The following RBM33 variants were observed in gnomAD, a reference collection of about 807,000 sequenced individuals.
RBM33 encodes RNA binding motif protein 33, also known as RNA-binding protein 33.
RBM33 carries 28 observed loss-of-function variants against 132.6 expected under a neutral mutation model. That is an observed-to-expected ratio of 0.21 (90% CI 0.16 to 0.29). The LOEUF is 0.29. Among genes scored for constraint, RBM33 ranks in the 10% least tolerant of loss-of-function variants. RBM33 has a pLI of 1.00. For synonymous variants in RBM33, 634 were observed against 593.0 expected, an observed-to-expected ratio of 1.07 and a Z score of -1.01; for missense variants, 1,291 against 1,518.5, an observed-to-expected ratio of 0.85 and a Z score of 2.49.
chr7:155,673,717 TATATACACACACATATATACATACACAC>T (rs1799053082), intron 3 of RBM33, among the ~76,000 whole-genome samples: 1 of 145,460 alleles, frequency 6.9e-6, no homozygotes, highest in African/African-American at 2.6e-5. Context: ...CACGTGTATA[TATATACACACACATATATACATACACAC>T]GTGTATATAC....
At chr7:155,710,876 C>T (rs938443785) in intron 7 of RBM33, among the ~76,000 whole-genome samples, 3 of 150,636 alleles carry the variant, frequency 2.0e-5, no homozygotes, top group Non-Finnish European at 4.4e-5. Context: ...CAGGGCTTTG[C>T]TCAGTGTGGG....
At chr7:155,740,242 C>G (rs1801286018) in intron 12 of RBM33, among the ~76,000 whole-genome samples, 1 of 152,174 alleles carries the variant, frequency 6.6e-6, no homozygotes. Context: ...CCTTTTGTGT[C>G]TCAAAGACTG....
chr7:155,733,412 TGTG>T (rs1563165830), intron 9 of RBM33, among the ~76,000 whole-genome samples: 1 of 152,246 alleles, frequency 6.6e-6, no homozygotes, highest in Non-Finnish European at 1.5e-5. Context: ...AAATCCCTGA[TGTG>T]GTTGAGTGAA....
chr7:155,761,289 C>G (rs1348080997), intron 14 of RBM33, among the ~76,000 whole-genome samples: 2 of 152,110 alleles, frequency 1.3e-5, no homozygotes, highest in Non-Finnish European at 2.9e-5. Context: ...CTTTTGATGC[C>G]TTTGGCCTTG....
chr7:155,667,953 T>C (rs192774056), intron 2 of RBM33, among the ~76,000 whole-genome samples: 142 of 152,280 alleles, frequency 9.3e-4, no homozygotes, highest in Middle Eastern at 3.4e-3. Flanking sequence ...CTCTTATCCA[T>C]ACTCTCTGCA....
intron 9 of RBM33, among the ~76,000 whole-genome samples, chr7:155,723,955 T>A (rs1800701569): frequency 6.6e-6 from 1 of 152,204 alleles, no homozygotes; most frequent in South Asian, 2.1e-4. Context: ...GGGACACCTT[T>A]TAAATTCTCT....
intron 1 of RBM33, among the ~76,000 whole-genome samples, chr7:155,650,942 A>G (rs1045287232): frequency 6.6e-6 from 1 of 152,010 alleles, no homozygotes; most frequent in Non-Finnish European, 1.5e-5. Flanking sequence ...TAGTGGTGTG[A>G]TCTCAGCTCA....
rs201903567 is a variant in RBM33, at chr7:155,766,667, G to C, written c.3375+12G>C. ...TGGGACCCATTCAGGTAGCCGCCTGGGGGTGGCATCTGTGCCACGGGTAGT... is the reference window on the plus strand; with the variant it reads ...TGGGACCCATTCAGGTAGCCGCCTGCGGGTGGCATCTGTGCCACGGGTAGT... On this transcript the variant is annotated intron_variant, in intron 16 of 17. Transcript: ENST00000401878. 9 of 1,604,572 alleles carry C rather than the reference G, an allele frequency of 5.6e-6. No homozygotes were observed. In the East Asian group the frequency reaches 2.0e-4, roughly 36 times the overall value.
At chr7:155,698,297 G>T (rs1355689157) in intron 5 of RBM33, among the ~76,000 whole-genome samples, 1 of 152,144 alleles carries the variant, frequency 6.6e-6, no homozygotes, top group Non-Finnish European at 1.5e-5. Context: ...AACCTGGGAG[G>T]CAGAGGTTGT....
chr7:155,742,587 G>A (rs568070418), intron 13 of RBM33, among the ~76,000 whole-genome samples: 6 of 152,302 alleles, frequency 3.9e-5, no homozygotes, highest in Non-Finnish European at 5.9e-5. Context: ...GGTGAATCCC[G>A]TAGGTTTCTG....
chr7:155,715,914 C>T (rs1484220963), intron 8 of RBM33, among the ~76,000 whole-genome samples: 4 of 152,184 alleles, frequency 2.6e-5, no homozygotes, highest in African/African-American at 9.7e-5. Flanking sequence ...ATATATACAT[C>T]TTCTTCTGAT....
At chr7:155,686,740 T>C (rs1244809555) in intron 5 of RBM33, among the ~76,000 whole-genome samples, 3 of 152,158 alleles carry the variant, frequency 2.0e-5, no homozygotes, top group Non-Finnish European at 4.4e-5. Context: ...TTTGGTTTTT[T>C]GTCCTTGAGA....
intron 9 of RBM33, among the ~76,000 whole-genome samples, chr7:155,730,820 A>C (rs192071970): frequency 1.3e-5 from 2 of 152,348 alleles, no homozygotes; most frequent in East Asian, 3.9e-4. Context: ...GCATTTAGAC[A>C]GCATGTAAAT....
intron 6 of RBM33, among the ~76,000 whole-genome samples, chr7:155,705,544 A>G (rs1800088865): frequency 6.6e-6 from 1 of 152,170 alleles, no homozygotes; most frequent in African/African-American, 2.4e-5. Flanking sequence ...GAGTTTGGAG[A>G]TGATGATGGG....
At chr7:155,725,537 A>G (rs1800769928) in intron 9 of RBM33, among the ~76,000 whole-genome samples, 1 of 152,298 alleles carries the variant, frequency 6.6e-6, no homozygotes, top group South Asian at 2.1e-4. Context: ...GTTGAATTGT[A>G]ACTACATAAA....
At chr7:155,756,808 G>C (rs1376503612) in intron 14 of RBM33, among the ~76,000 whole-genome samples, 1 of 151,472 alleles carries the variant, frequency 6.6e-6, no homozygotes, top group African/African-American at 2.4e-5. Flanking sequence ...GCAGTTTCCA[G>C]ATAGCCGGGT....
intron 14 of RBM33, among the ~76,000 whole-genome samples, chr7:155,763,089 T>A (rs1005696179): frequency 6.6e-6 from 1 of 152,238 alleles, no homozygotes; most frequent in Non-Finnish European, 1.5e-5. Flanking sequence ...ATGAACAGAC[T>A]GTTAATAAAA....
At chr7:155,689,019 A>G (rs897142022) in intron 5 of RBM33, among the ~76,000 whole-genome samples, 14 of 152,228 alleles carry the variant, frequency 9.2e-5, no homozygotes, top group South Asian at 2.1e-4. Context: ...CTCTTTTTCT[A>G]TTGATTGGAA....
At chr7:155,664,447 T>C (rs1798743723) in intron 1 of RBM33, among the ~76,000 whole-genome samples, 1 of 151,826 alleles carries the variant, frequency 6.6e-6, no homozygotes, top group Admixed American at 6.6e-5. Context: ...TTTTGTATTT[T>C]TTTAGTAGAG....
Sources: allele counts gnomAD v4.1 joint callset (sites outside exome capture counted in the v4.1 genomes callset), GRCh38; gene constraint gnomAD v4.1.1; transcripts MANE v1.5; gene names NCBI Gene and HGNC (gene_info 2026-07-23, HGNC 2026-07-21).